GPR26: variants seen among roughly 807,000 people sequenced by gnomAD.
GPR26 encodes G protein-coupled receptor 26.
Under a neutral mutation model 23.1 loss-of-function variants are expected in GPR26, and 15 were observed. The ratio of observed to expected loss-of-function variants is 0.65; its 90% CI spans 0.43 to 1.00. The LOEUF (loss-of-function observed/expected upper bound fraction) is 1.00, where lower values mean the gene tolerates loss of function less well. Among genes scored for constraint, GPR26 ranks in the 50% least tolerant of loss-of-function variants. The pLI is 0.00. For synonymous variants in GPR26, 228 were observed against 222.1 expected (o/e 1.03, Z -0.24); for missense variants, 359 against 470.5 (o/e 0.76, Z 2.19).
rs1344388372 is a variant in GPR26, at chr10:123,687,964, C to T, written c.818C>T (p.Ser273Phe). The change falls in exon 3 of 3, where the codon TCC (serine) becomes TTC (phenylalanine). Residue 273 changes from serine (S) to phenylalanine (F), a missense_variant. Ser to Phe is a radical substitution (Grantham distance 155). Coordinates refer to ENST00000284674, the MANE Select transcript of GPR26 (RefSeq NM_153442.4). ...CTCTTCTCCACGGTGCCCATCGGCT[C>T]CCACTGGGGGGTGCTGTCCAAGTGC... ...VELFSTVPIGSHWGVLSKCLA... is the reference protein window; with the variant it reads ...VELFSTVPIGFHWGVLSKCLA... The T allele has an allele frequency of 6.2e-7, 1 of 1,613,674 alleles. No homozygotes were observed. Among genetic ancestry groups the T allele is most frequent in the South Asian group, 1.1e-5 (1 of 91,076 alleles).
rs542377224 is a variant in GPR26 at position 123,670,819 on chromosome 10, A to G, written c.668+3744A>G. On this transcript the variant is annotated intron_variant, in intron 1 of 2. Transcript: ENST00000284674. ...AGATGCCCACACATGTCTTGCAGGC[A>G]GGATGAGGGCGTTTGGGCAAAGAAT... 2.0e-5 allele frequency among the ~76,000 whole-genome samples: 3 copies of G among 152,362 alleles called. No homozygotes were observed. In the East Asian group the frequency reaches 5.8e-4, roughly 29 times the overall value.
At chr10:123,667,561 CTGTGTG>C (rs71026066) in intron 1 of GPR26, among the ~76,000 whole-genome samples, 17,388 of 124,896 alleles carry the variant, frequency 0.14, 1,165 homozygotes, top group African/African-American at 0.17. Context: ...TGTCTCACGA[CTGTGTG>C]TGTGTGTGTG....
At chr10:123,668,318 G>A (rs1021902685) in intron 1 of GPR26, among the ~76,000 whole-genome samples, 1 of 152,172 alleles carries the variant, frequency 6.6e-6, no homozygotes, top group Non-Finnish European at 1.5e-5. Context: ...AAGTGTGCAC[G>A]TGTTCATTGT....
At chr10:123,679,803 A>T (rs1427675625) in intron 2 of GPR26, among the ~76,000 whole-genome samples, 1 of 151,834 alleles carries the variant, frequency 6.6e-6, no homozygotes, top group Non-Finnish European at 1.5e-5. Flanking sequence ...CATGGCATGC[A>T]GAGAGTGCTC....
intron 2 of GPR26, among the ~76,000 whole-genome samples, chr10:123,680,872 C>G (rs11248641): frequency 0.32 from 45,506 of 141,210 alleles, 8,492 homozygotes; most frequent in Middle Eastern, 0.44. Flanking sequence ...CAGAGTCTCA[C>G]TTTGTTGCCC....
intron 2 of GPR26, among the ~76,000 whole-genome samples, chr10:123,685,419 G>A (rs913394966): frequency 5.9e-5 from 9 of 152,180 alleles, no homozygotes; most frequent in Admixed American, 2.0e-4. Flanking sequence ...AGCCAGCCAC[G>A]GCAGGCGCAG....
chr10:123,672,668 T>G (rs1348586969), intron 1 of GPR26, among the ~76,000 whole-genome samples: 1 of 152,230 alleles, frequency 6.6e-6, no homozygotes, highest in African/African-American at 2.4e-5. Flanking sequence ...GTGGTGCACA[T>G]GGCCCCAGAG....
chr10:123,681,919 G>A (rs1845382240), intron 2 of GPR26, among the ~76,000 whole-genome samples: 1 of 152,184 alleles, frequency 6.6e-6, no homozygotes, highest in Admixed American at 6.5e-5. Flanking sequence ...TAGAATCCTG[G>A]TCTCACAGAA....
intron 1 of GPR26, among the ~76,000 whole-genome samples, chr10:123,667,886 G>C (rs1160688561): frequency 6.6e-6 from 1 of 152,194 alleles, no homozygotes; most frequent in Non-Finnish European, 1.5e-5. Flanking sequence ...GAGAAGGAGG[G>C]AACTCTTAGC....
At chr10:123,667,819 C>G (rs572338284) in intron 1 of GPR26, among the ~76,000 whole-genome samples, 20 of 152,214 alleles carry the variant, frequency 1.3e-4, no homozygotes, top group African/African-American at 4.8e-4. Context: ...GCAGATGGAG[C>G]TGGGCAAGCA....
intron 1 of GPR26, among the ~76,000 whole-genome samples, chr10:123,671,606 C>T (rs1180597882): frequency 2.0e-5 from 3 of 152,178 alleles, no homozygotes; most frequent in Non-Finnish European, 4.4e-5. Flanking sequence ...AGCTTTGAAC[C>T]TCACACGCTC....
At position 123,690,462 on chromosome 10, in the gene GPR26, A is replaced by G. The variant is rs1479976538; in HGVS notation, c.*2302A>G. ...TGTATAGGCAACATGTTGTACTCCC[A>G]GTAGCAACTAGATCTCTTTTACCTC... is the stretch of plus-strand genomic sequence containing the variant. On this transcript the variant is annotated 3_prime_UTR_variant, in exon 3 of 3. Coordinates refer to ENST00000284674, the MANE Select transcript of GPR26 (RefSeq NM_153442.4). The G allele has an allele frequency of 1.3e-5, 2 of 152,232 alleles. No homozygotes were observed. The highest frequency in any genetic ancestry group is 2.9e-5 in the Non-Finnish European group (2 of 68,054). The allele number at this position is 152,232 out of a possible 1,614,324, so 9.4% of individuals were successfully genotyped here. A position where few individuals can be genotyped will look rare whatever the true frequency, so the allele number is the denominator to read the frequency against.
Position 123,688,030 on chromosome 10 carries a change from C to A in GPR26, c.884C>A (p.Ser295Tyr). The A allele has an allele frequency of 6.2e-7, 1 of 1,613,954 alleles. No homozygotes were observed. Among genetic ancestry groups the A allele is most frequent in the Non-Finnish European group, 8.5e-7 (1 of 1,179,834 alleles). ...SKAASDPFVY[S>Y]LLRHQYRKSC... is the part of the protein sequence containing the mutation. ...GCCGCATCCGACCCCTTTGTGTACT[C>A]CTTACTGCGACACCAGTACCGCAAA... Residue 295 changes from serine to tyrosine, a missense_variant, in exon 3 of 3, where the codon TCC (serine) becomes TAC (tyrosine). Physicochemically the swap from Ser to Tyr is moderately radical, Grantham distance 144. Coordinates refer to ENST00000284674, the MANE Select transcript of GPR26 (RefSeq NM_153442.4).
chr10:123,674,123 A>G lies in GPR26; in HGVS notation c.669-695A>G, dbSNP rs1391780027. On this transcript the variant is annotated intron_variant, in intron 1 of 2. Transcript: ENST00000284674. This position sits in a 1 kb window ranked among gnomAD's most constrained non-coding sequence, Gnocchi z 4.1. The stretch of plus-strand genomic sequence containing the variant: ...CAGGAGCCCACCACCACGCATGGCT[A>G]ATTTTTGTATTTTTGGTACAGGCGA... Among the ~76,000 whole-genome samples, 1 of 152,012 alleles carries G rather than the reference A, an allele frequency of 6.6e-6. No individual in the cohort carries two copies. The highest frequency in any genetic ancestry group is 1.5e-5 in the Non-Finnish European group (1 of 68,010).
intron 2 of GPR26, among the ~76,000 whole-genome samples, chr10:123,683,987 C>T (rs1279062525): frequency 6.6e-6 from 1 of 152,186 alleles, no homozygotes; most frequent in East Asian, 1.9e-4. Flanking sequence ...CCCTGACATG[C>T]TTGGAAGAGG....
chr10:123,668,262 G>T (rs1845210901), intron 1 of GPR26, among the ~76,000 whole-genome samples: 1 of 152,224 alleles, frequency 6.6e-6, no homozygotes, highest in Non-Finnish European at 1.5e-5. Context: ...CACGAGAGCA[G>T]TAACAAGCAG....
Position 123,696,079 on chromosome 10 carries a change from T to C in GPR26, c.*7919T>C, listed in dbSNP as rs1177124455. Among the ~76,000 whole-genome samples the C allele has an allele frequency of 6.6e-6, 1 of 152,248 alleles. No homozygotes were observed. Among genetic ancestry groups the C allele is most frequent in the East Asian group, 1.9e-4 (1 of 5,200 alleles). ...GGGAGAAGGATCAAATCCTGCCATC[T>C]GGATGTGCATTATTAATGCTGGTGT... On this transcript the variant is annotated 3_prime_UTR_variant, in exon 3 of 3. Transcript: ENST00000284674.
chr10:123,684,177 G>A (rs962799269), intron 2 of GPR26, among the ~76,000 whole-genome samples: 4 of 152,178 alleles, frequency 2.6e-5, no homozygotes, highest in Non-Finnish European at 2.9e-5. Context: ...GAGAGCACAC[G>A]GAAAGTCATC....
chr10:123,683,862 T>A (rs1845404444), intron 2 of GPR26, among the ~76,000 whole-genome samples: 1 of 152,150 alleles, frequency 6.6e-6, no homozygotes, highest in South Asian at 2.1e-4. Flanking sequence ...AAAATACACA[T>A]CTCTGTGCTC....
Sources: allele counts gnomAD v4.1 joint callset (sites outside exome capture counted in the v4.1 genomes callset), GRCh38; gene constraint gnomAD v4.1.1; non-coding constraint Gnocchi (gnomAD v3.1); transcripts MANE v1.5; gene names NCBI Gene and HGNC (gene_info 2026-07-23, HGNC 2026-07-21).